The following AK9 variants were observed in gnomAD, a reference collection of about 807,000 sequenced individuals.
The protein encoded by AK9 is adenylate kinase 9.
In AK9, 191 loss-of-function variants were observed where a neutral mutation model predicts 239.6. The ratio of observed to expected loss-of-function variants is 0.80; its 90% CI spans 0.71 to 0.90. The LOEUF is 0.90. Ranked by LOEUF, AK9 falls within the 40% of genes least tolerant of loss-of-function variation. The pLI is 0.00. For missense variants in AK9, 1,995 were observed against 2,214.7 expected (o/e 0.90, Z 1.99); for synonymous variants, 689 against 721.0 (o/e 0.96, Z 0.71).
At chr6:109,516,752 C>A in intron 29 of AK9, 110 bp from the exon 30 acceptor site, 1 of 894,216 alleles carries the variant, frequency 1.1e-6, no homozygotes, top group Non-Finnish European at 1.7e-6. Flanking sequence ...GTTGGTATTG[C>A]ATGTTGACAT....
chr6:109,670,821 C>A (rs1770754784), intron 5 of AK9, among the ~76,000 whole-genome samples: 1 of 152,054 alleles, frequency 6.6e-6, no homozygotes, highest in Admixed American at 6.6e-5. Flanking sequence ...TCCAGCCTTC[C>A]ATATTCTGGA....
intron 19 of AK9, among the ~76,000 whole-genome samples, chr6:109,584,669 T>C (rs188419215): frequency 3.3e-5 from 5 of 152,256 alleles, no homozygotes; most frequent in Non-Finnish European, 7.4e-5. Flanking sequence ...ATGTTAAACC[T>C]GTCAAACATA....
intron 21 of AK9, among the ~76,000 whole-genome samples, chr6:109,572,382 CTG>C (rs1424734346): frequency 1.3e-5 from 2 of 152,134 alleles, no homozygotes; most frequent in Non-Finnish European, 2.9e-5. Flanking sequence ...GTGAAAGTCT[CTG>C]TGAACTATCT....
At chr6:109,547,398 A>G (rs1783701670) in intron 25 of AK9, among the ~76,000 whole-genome samples, 1 of 152,182 alleles carries the variant, frequency 6.6e-6, no homozygotes, top group Admixed American at 6.5e-5. Flanking sequence ...AAGCCAAAAC[A>G]CTTATAGCCA....
intron 17 of AK9, among the ~76,000 whole-genome samples, chr6:109,592,744 C>G (rs905190431): frequency 1.3e-5 from 2 of 150,924 alleles, no homozygotes; most frequent in Admixed American, 6.7e-5. Flanking sequence ...CCGTGCCCAG[C>G]GGGATTTTTT....
chr6:109,497,192 T>C (rs925783851), intron 38 of AK9, among the ~76,000 whole-genome samples: 6 of 151,964 alleles, frequency 3.9e-5, no homozygotes, highest in Admixed American at 1.3e-4. Flanking sequence ...ACAATTCAGT[T>C]AGACCTTTGG....
intron 35 of AK9, among the ~76,000 whole-genome samples, chr6:109,505,035 G>A (rs1777974976): frequency 6.6e-6 from 1 of 152,152 alleles, no homozygotes; most frequent in African/African-American, 2.4e-5. Flanking sequence ...ATCCCATCCA[G>A]AGCTTATTGA....
chr6:109,659,799 A>C (rs1220685944), intron 6 of AK9, among the ~76,000 whole-genome samples: 1 of 152,186 alleles, frequency 6.6e-6, no homozygotes, highest in Non-Finnish European at 1.5e-5. Flanking sequence ...GAATAGCCAC[A>C]TATTTCCAAT....
At position 109,601,170 on chromosome 6, in the gene AK9, G is replaced by A. The variant is rs541539054; in HGVS notation, c.1842+9195C>T. 5.3e-5 allele frequency among the ~76,000 whole-genome samples: 8 copies of A among 152,198 alleles called. No individual in the cohort carries two copies. The East Asian group carries it at 1.4e-3, about 26-fold the overall frequency. ...TCTAGTTCTTTTAAATGTGATGTTA[G>A]GGTGTCAATTTTAGATCTTGCCTGC... On this transcript the variant is annotated intron_variant, in intron 17 of 40. Transcript: ENST00000424296.
chr6:109,645,913 CT>C (rs1326224525), intron 8 of AK9, among the ~76,000 whole-genome samples: 1 of 152,226 alleles, frequency 6.6e-6, no homozygotes, highest in African/African-American at 2.4e-5. Context: ...ATGTTCTGTT[CT>C]ACAGCGTTCG....
At chr6:109,579,341 A>T in intron 20 of AK9, 1 of 477,284 alleles carries the variant, frequency 2.1e-6, no homozygotes. Flanking sequence ...TGAATCCATT[A>T]CTTCAGTAAC....
chr6:109,675,440 G>A (rs1450741893), intron 2 of AK9, among the ~76,000 whole-genome samples, 189 bp downstream of exon 2: 2 of 152,120 alleles, frequency 1.3e-5, no homozygotes, highest in Non-Finnish European at 2.9e-5. Flanking sequence ...GAGCATATGT[G>A]TGCATGTGTG....
rs192139889 is a variant in AK9, at chr6:109,569,629, A to T, written c.2344+3813T>A. ...CAAAAAGTGGGCAAAGGATATGAACAGACACTTCTCAAAAGAAGACATTTC... is the reference window on the plus strand; with the variant it reads ...CAAAAAGTGGGCAAAGGATATGAACTGACACTTCTCAAAAGAAGACATTTC... On this transcript the variant is annotated intron_variant, in intron 21 of 40. Transcript: ENST00000424296. Among the ~76,000 whole-genome samples, 1,097 of 152,320 alleles carry T rather than the reference A, an allele frequency of 7.2e-3. 7 individuals are homozygous for T. Among genetic ancestry groups the T allele is most frequent in the South Asian group, 0.018 (87 of 4,826 alleles).
At chr6:109,659,555 T>A in intron 6 of AK9, 142 bp from the exon 7 acceptor site, 1 of 1,110,158 alleles carries the variant, frequency 9.0e-7, no homozygotes, top group South Asian at 1.9e-5. Context: ...GACTGGCATT[T>A]TGCATCAGGT....
At position 109,533,269 on chromosome 6, in the gene AK9, G is replaced by T. The variant is rs1175138106; in HGVS notation, c.3552C>A (p.Asp1184Glu). The T allele has an allele frequency of 1.9e-6, 3 of 1,604,812 alleles. No individual in the cohort carries two copies. The highest frequency in any genetic ancestry group is 2.5e-6 in the Non-Finnish European group (3 of 1,176,948). ...TACATACCCTGATTTTTGCCTTCAT[G>T]TCTTTGATCAGTTTCTTCCTTTCTA... ...KKLERKKLIK[D>E]MKAKIRVDTI... The change falls in exon 28 of 41, where the codon GAC becomes GAA. Residue 1184 changes from aspartate to glutamate, a missense_variant. Physicochemically the swap from Asp to Glu is conservative, Grantham distance 45. This residue lies in a region of AK9 where 1,290 missense variants were observed against 1,392.7 expected (regional missense o/e 0.93). Transcript: ENST00000424296.
At chr6:109,511,060 G>GTTTTTT (rs200285676) in intron 32 of AK9, among the ~76,000 whole-genome samples, 2 of 123,180 alleles carry the variant, frequency 1.6e-5, no homozygotes, top group African/African-American at 2.9e-5. Flanking sequence ...AAATCTGCTT[G>GTTTTTT]TTTTTTTTTT....
At chr6:109,557,945 A>G (rs977266026) in intron 24 of AK9, among the ~76,000 whole-genome samples, 12 of 152,180 alleles carry the variant, frequency 7.9e-5, no homozygotes, top group Admixed American at 7.9e-4. Flanking sequence ...TCACTATCTA[A>G]TAGTGTCTCA....
intron 38 of AK9, among the ~76,000 whole-genome samples, chr6:109,497,153 C>T (rs191124102): frequency 6.6e-6 from 1 of 152,028 alleles, no homozygotes; most frequent in Admixed American, 6.6e-5. Context: ...AGCCAATTCC[C>T]ACTCCTTATC....
chr6:109,559,112 A>G (rs1424916610), intron 24 of AK9, among the ~76,000 whole-genome samples: 1 of 151,656 alleles, frequency 6.6e-6, no homozygotes, highest in Non-Finnish European at 1.5e-5. Context: ...TCGGCCTCCC[A>G]AAGTGCTAGG....
Sources: allele counts gnomAD v4.1 joint callset (sites outside exome capture counted in the v4.1 genomes callset), GRCh38; gene constraint gnomAD v4.1.1; regional missense constraint gnomAD v4.1.1; transcripts MANE v1.5; gene names NCBI Gene and HGNC (gene_info 2026-07-23, HGNC 2026-07-21).